The following SDC2 variants were observed in gnomAD, a reference collection of about 807,000 sequenced individuals.
The protein encoded by SDC2 is syndecan-2.
SDC2 carries 13 observed loss-of-function variants against 22.2 expected under a neutral mutation model. That is an observed-to-expected ratio of 0.59 (90% confidence interval 0.38 to 0.93). SDC2 has a LOEUF of 0.93. SDC2 is among the 40% of genes least tolerant of loss of function. The pLI is 0.00. For synonymous variants in SDC2, 94 were observed against 92.8 expected, an observed-to-expected ratio of 1.01 and a Z score of -0.07; for missense variants, 235 against 246.8, an observed-to-expected ratio of 0.95 and a Z score of 0.32.
At position 96,610,479 on chromosome 8, in the gene SDC2, T is replaced by G. The variant is rs1194430166; in HGVS notation, c.*931T>G. The G allele has an allele frequency of 6.6e-6, 1 of 152,638 alleles. No homozygotes were observed. Among genetic ancestry groups the G allele is most frequent in the African/African-American group, 2.4e-5 (1 of 41,446 alleles). 9.5% of individuals were successfully genotyped at this position (152,638 alleles called of 1,614,324 possible). A position where few individuals can be genotyped will look rare whatever the true frequency, so the allele number is the denominator to read the frequency against. The stretch of plus-strand genomic sequence containing the variant: ...GTGCCTCTGATTCTATGTAACTTGT[T>G]GCAGACTGGTGTTAATGAGTATATG... On this transcript the variant is annotated 3_prime_UTR_variant, in exon 5 of 5. Coordinates refer to ENST00000302190, the MANE Select transcript of SDC2 (RefSeq NM_002998.4).
chr8:96,517,735 ATGTGTGTGCATAAATACACACGTT>A (rs1413168403), intron 1 of SDC2, among the ~76,000 whole-genome samples: 1 of 142,434 alleles, frequency 7.0e-6, no homozygotes, highest in African/African-American at 2.8e-5. Context: ...GTATGTATAT[ATGTGTGTGCATAAATACACACGTT>A]TGTGTGTGTG....
Position 96,494,385 on chromosome 8 carries a change from AG to A in SDC2, c.60+55del, listed in dbSNP as rs1312457083. ...GCCGTTTAGGGTGTTTGAAGCTACG[AG>A]AGGAGCCCGCAGGGAATAGGGGAGC... On this transcript the variant is annotated intron_variant, in intron 1 of 4. Transcript: ENST00000302190. 8 of 1,515,864 alleles carry A rather than the reference AG, an allele frequency of 5.3e-6. No homozygotes were observed. The Admixed American group carries it at 1.6e-4, about 31-fold the overall frequency. The allele number at this position is 1,515,864 out of a possible 1,614,324, so 93.9% of individuals were successfully genotyped here.
chr8:96,506,958 G>A (rs1393676287), intron 1 of SDC2, among the ~76,000 whole-genome samples: 10 of 148,202 alleles, frequency 6.7e-5, no homozygotes, highest in Admixed American at 5.4e-4. Flanking sequence ...GCGGTGAGCC[G>A]AGATCACGCC....
At chr8:96,516,240 C>A (rs752825333) in intron 1 of SDC2, among the ~76,000 whole-genome samples, 10 of 152,224 alleles carry the variant, frequency 6.6e-5, no homozygotes, top group Non-Finnish European at 1.3e-4. Flanking sequence ...AGTTCGGGAT[C>A]TAAGGCCCTC....
intron 1 of SDC2, among the ~76,000 whole-genome samples, chr8:96,549,928 C>T (rs971195038): frequency 1.3e-5 from 2 of 152,058 alleles, no homozygotes; most frequent in Non-Finnish European, 2.9e-5. Flanking sequence ...CCATTTTGAA[C>T]GTTGAACCTG....
chr8:96,582,017 G>A (rs1482315281), intron 1 of SDC2, among the ~76,000 whole-genome samples: 1 of 152,200 alleles, frequency 6.6e-6, no homozygotes, highest in East Asian at 1.9e-4. Flanking sequence ...ATGTCAGTTT[G>A]ACCGGGAGCT....
rs993375032 is a variant in SDC2 at position 96,587,385 on chromosome 8, TAAAC to T, written c.61-6090_61-6087del. On this transcript the variant is annotated intron_variant, in intron 1 of 4. Transcript: ENST00000302190. ...TTGCTACATACTAGTTAGTTCTCTG[TAAAC>T]AAACCCTTAAAGTAAGTGCTAGTAA... is the stretch of plus-strand genomic sequence containing the variant. Among the ~76,000 whole-genome samples the T allele has an allele frequency of 5.3e-5, 8 of 152,332 alleles. No individual in the cohort carries two copies. In the South Asian group the frequency reaches 1.4e-3, roughly 28 times the overall value.
chr8:96,542,987 AG>A (rs1484395234), intron 1 of SDC2, among the ~76,000 whole-genome samples: 1 of 152,170 alleles, frequency 6.6e-6, no homozygotes. Flanking sequence ...AGAAAGAGGG[AG>A]GGGAACTTAG....
chr8:96,545,825 T>C (rs1387053593), intron 1 of SDC2, among the ~76,000 whole-genome samples: 2 of 152,200 alleles, frequency 1.3e-5, no homozygotes, highest in Middle Eastern at 3.4e-3. Flanking sequence ...CTTTATGGAA[T>C]AAAAGAGGGT....
In SDC2 at chr8:96,509,062, C is replaced by T. The variant is rs1230488211; in HGVS notation, c.60+14731C>T. Among the ~76,000 whole-genome samples the T allele has an allele frequency of 1.4e-5, 2 of 142,352 alleles. 1 individual carries two copies. Among genetic ancestry groups the T allele is most frequent in the Non-Finnish European group, 3.2e-5 (2 of 62,494 alleles). The allele number at this position is 142,352 out of a possible 152,430, so 93.4% of individuals were successfully genotyped here. A position where few individuals can be genotyped will look rare whatever the true frequency, so the allele number is the denominator to read the frequency against. ...TTTAATGGCTTCTCTCTGCAAACTT[C>T]AGTCTGGTAATGGGAGAACTAAGAG... On this transcript the variant is annotated intron_variant, in intron 1 of 4. Coordinates refer to ENST00000302190, the MANE Select transcript of SDC2 (RefSeq NM_002998.4).
intron 2 of SDC2, among the ~76,000 whole-genome samples, chr8:96,599,123 A>G (rs1268685195): frequency 6.6e-6 from 1 of 151,760 alleles, no homozygotes; most frequent in East Asian, 1.9e-4. Context: ...TTTTATTTTT[A>G]GTAGGGATGG....
In SDC2 at chr8:96,607,741, A is replaced by G. The variant is rs1173714416; in HGVS notation, c.307-594A>G. ...GGAAATCAAGGTGGAGAAAAGAAGTATGATGTGATCAGGGAGGAGCTACTT... is the reference window on the plus strand; with the variant it reads ...GGAAATCAAGGTGGAGAAAAGAAGTGTGATGTGATCAGGGAGGAGCTACTT... On this transcript the variant is annotated intron_variant, in intron 3 of 4. Transcript: ENST00000302190. Among the ~76,000 whole-genome samples the G allele has an allele frequency of 2.0e-5, 3 of 152,134 alleles. No individual in the cohort carries two copies. The East Asian group carries it at 5.8e-4, about 29-fold the overall frequency.
intron 1 of SDC2, among the ~76,000 whole-genome samples, chr8:96,514,594 G>A (rs1230385046): frequency 6.6e-6 from 1 of 152,114 alleles, no homozygotes; most frequent in Admixed American, 6.5e-5. Flanking sequence ...AGGACTCTAG[G>A]TCCATGGTCC....
At chr8:96,500,387 C>T (rs1379972355) in intron 1 of SDC2, among the ~76,000 whole-genome samples, 3 of 151,834 alleles carry the variant, frequency 2.0e-5, no homozygotes, top group Non-Finnish European at 4.4e-5. Context: ...TGTGGCCTGG[C>T]GCGATATCTC....
intron 1 of SDC2, among the ~76,000 whole-genome samples, chr8:96,591,103 G>A (rs1042079254): frequency 3.3e-5 from 5 of 152,200 alleles, no homozygotes; most frequent in Non-Finnish European, 4.4e-5. Context: ...TAGCATGACA[G>A]ATGTGTTAGT....
chr8:96,547,786 G>C (rs1467502861), intron 1 of SDC2, among the ~76,000 whole-genome samples: 1 of 151,614 alleles, frequency 6.6e-6, no homozygotes, highest in Non-Finnish European at 1.5e-5. Flanking sequence ...TTTGAGACAG[G>C]GTCTTGCTCT....
intron 1 of SDC2, among the ~76,000 whole-genome samples, chr8:96,534,372 C>T (rs1356873117): frequency 6.6e-6 from 1 of 152,206 alleles, no homozygotes; most frequent in Non-Finnish European, 1.5e-5. Flanking sequence ...ACGCTGTCAC[C>T]TCTCAATACT....
At chr8:96,569,560 T>G (rs1814356705) in intron 1 of SDC2, among the ~76,000 whole-genome samples, 1 of 152,182 alleles carries the variant, frequency 6.6e-6, no homozygotes, top group Admixed American at 6.5e-5. Context: ...AAATATTTGC[T>G]AAATGAACTA....
At chr8:96,521,551 T>A (rs1406588572) in intron 1 of SDC2, among the ~76,000 whole-genome samples, 1 of 152,198 alleles carries the variant, frequency 6.6e-6, no homozygotes, top group Non-Finnish European at 1.5e-5. Flanking sequence ...TTATCTGTGT[T>A]GTAAGAAAAG....
Sources: gnomAD v4.1 joint callset for allele counts (sites outside exome capture counted in the v4.1 genomes callset) on GRCh38, gnomAD v4.1.1 for gene constraint, MANE v1.5 for transcripts, NCBI Gene and HGNC (gene_info 2026-07-23, HGNC 2026-07-21) for gene names.